Variants in SNX3 observed in about 807,000 individuals in gnomAD.
SNX3 encodes sorting nexin-3.
SNX3 carries 5 observed loss-of-function variants against 17.7 expected under a neutral mutation model. The ratio of observed to expected loss-of-function variants is 0.28; its 90% CI spans 0.15 to 0.59. The LOEUF is 0.59. Ranked by LOEUF, SNX3 falls within the 20% of genes least tolerant of loss-of-function variation. The pLI is 0.88. For missense variants in SNX3, 132 were observed against 206.8 expected (o/e 0.64, Z 2.22); for synonymous variants, 91 against 76.5 (o/e 1.19, Z -0.99).
At chr6:108,253,794 T>A (rs762599788) in intron 1 of SNX3, among the ~76,000 whole-genome samples, 248 of 152,314 alleles carry the variant, frequency 1.6e-3, no homozygotes, top group Middle Eastern at 3.4e-3. Flanking sequence ...GGAGAAATCC[T>A]TGCTGCATAT....
At chr6:108,220,236 T>C (rs535121594) in intron 2 of SNX3, among the ~76,000 whole-genome samples, 1 of 152,198 alleles carries the variant, frequency 6.6e-6, no homozygotes, top group African/African-American at 2.4e-5. Context: ...TAATAAACAG[T>C]AATGTCCTAG....
chr6:108,238,905 CT>C (rs34790159), intron 1 of SNX3, among the ~76,000 whole-genome samples: 335 of 142,672 alleles, frequency 2.3e-3, no homozygotes, highest in Admixed American at 2.6e-3. Flanking sequence ...CCTTTTCTTT[CT>C]TTTTTTTTTT....
chr6:108,259,674 C>T (rs572960998), intron 1 of SNX3, among the ~76,000 whole-genome samples: 2 of 152,260 alleles, frequency 1.3e-5, no homozygotes, highest in Admixed American at 1.3e-4. Flanking sequence ...ACTTAAGTTT[C>T]ACAACAATGT....
intron 2 of SNX3, among the ~76,000 whole-genome samples, chr6:108,221,270 G>GTT (rs201899281): frequency 1.4e-5 from 2 of 140,908 alleles, no homozygotes; most frequent in African/African-American, 2.6e-5. Flanking sequence ...GTTTAGCTTT[G>GTT]TTTTTTTTTT....
chr6:108,257,378 A>G (rs1312840223), intron 1 of SNX3, among the ~76,000 whole-genome samples: 1 of 152,102 alleles, frequency 6.6e-6, no homozygotes, highest in Non-Finnish European at 1.5e-5. Flanking sequence ...TTAGCCAGGT[A>G]TAGTAGTACC....
chr6:108,222,624 G>A (rs1438678200), intron 2 of SNX3, among the ~76,000 whole-genome samples: 2 of 152,160 alleles, frequency 1.3e-5, no homozygotes, highest in African/African-American at 2.4e-5. Context: ...AATGTATTGA[G>A]GAAGAGAAAC....
At chr6:108,247,157 T>C (rs1291605544) in intron 1 of SNX3, among the ~76,000 whole-genome samples, 1 of 152,154 alleles carries the variant, frequency 6.6e-6, no homozygotes, top group African/African-American at 2.4e-5. Context: ...CCTGGCACCT[T>C]GTGAAGCAGG....
intron 1 of SNX3, among the ~76,000 whole-genome samples, chr6:108,252,663 CTTTT>C (rs370043300): frequency 1.3e-4 from 19 of 151,928 alleles, no homozygotes; most frequent in African/African-American, 4.1e-4. Flanking sequence ...TAAGAATAAA[CTTTT>C]TTTCTCTTTT....
At chr6:108,223,201 C>T (rs778006404) in intron 1 of SNX3, among the ~76,000 whole-genome samples, 156 bp from the exon 2 acceptor site, 57 of 152,170 alleles carry the variant, frequency 3.7e-4, no homozygotes, top group Non-Finnish European at 6.3e-4. Context: ...TGCAATGGCA[C>T]GATCTCGGCT....
At chr6:108,241,311 G>C (rs148497892) in intron 1 of SNX3, among the ~76,000 whole-genome samples, 1 of 152,038 alleles carries the variant, frequency 6.6e-6, no homozygotes, top group Non-Finnish European at 1.5e-5. Context: ...AAGCTGGGGC[G>C]AACTTGTAAA....
intron 3 of SNX3, among the ~76,000 whole-genome samples, chr6:108,214,010 G>A (rs1433800065): frequency 6.6e-6 from 1 of 152,120 alleles, no homozygotes; most frequent in East Asian, 1.9e-4. Context: ...CTTATCAAGA[G>A]TTTCTAAAGT....
At chr6:108,259,631 A>G (rs1776129800) in intron 1 of SNX3, among the ~76,000 whole-genome samples, 1 of 152,250 alleles carries the variant, frequency 6.6e-6, no homozygotes, top group South Asian at 2.1e-4. Flanking sequence ...TTTAAAATCA[A>G]TGCTAACTAC....
intron 2 of SNX3, among the ~76,000 whole-genome samples, chr6:108,220,568 A>G (rs990932825): frequency 1.3e-5 from 2 of 152,130 alleles, no homozygotes; most frequent in Non-Finnish European, 1.5e-5. Context: ...GTGTGAGTAT[A>G]CTCATATGAT....
chr6:108,238,322 T>C (rs2114741220), intron 1 of SNX3, among the ~76,000 whole-genome samples: 1 of 152,196 alleles, frequency 6.6e-6, no homozygotes, highest in Non-Finnish European at 1.5e-5. Context: ...GGAATACCAC[T>C]GGGGAGGTTT....
chr6:108,237,542 T>C (rs183239326), intron 1 of SNX3, among the ~76,000 whole-genome samples: 2 of 152,098 alleles, frequency 1.3e-5, no homozygotes, highest in South Asian at 4.1e-4. Flanking sequence ...TCTCAGCACT[T>C]TGGGAGGCCG....
At chr6:108,222,554 T>C (rs1027504346) in intron 2 of SNX3, among the ~76,000 whole-genome samples, 1 of 152,110 alleles carries the variant, frequency 6.6e-6, no homozygotes, top group African/African-American at 2.4e-5. Context: ...TGAACATATA[T>C]GTGATGAAAA....
rs149799154 is a variant in SNX3, at chr6:108,227,822, T to G, written c.163-4777A>C. Among the ~76,000 whole-genome samples, 832 of 151,878 alleles carry G rather than the reference T, an allele frequency of 5.5e-3. 8 individuals carry two copies. The highest frequency in any genetic ancestry group is 0.019 in the African/African-American group (796 of 41,230). Reference sequence around the variant, plus strand: ...ACTAAGTGCAAAATGTGGGTTTTTTTTTTTTGTTGTTGTTGTTGTTTAAGG... The same window carrying G: ...ACTAAGTGCAAAATGTGGGTTTTTTGTTTTTGTTGTTGTTGTTGTTTAAGG... On this transcript the variant is annotated intron_variant, in intron 1 of 3. Transcript: ENST00000230085.
chr6:108,260,389 C>T (rs1190072332), intron 1 of SNX3, among the ~76,000 whole-genome samples: 1 of 152,252 alleles, frequency 6.6e-6, no homozygotes, highest in Non-Finnish European at 1.5e-5. Context: ...AAGGCTTTAA[C>T]TTTGCGCAAG....
chr6:108,224,133 A>G (rs1253791319), intron 1 of SNX3, among the ~76,000 whole-genome samples: 5 of 151,968 alleles, frequency 3.3e-5, no homozygotes, highest in Admixed American at 1.3e-4. Flanking sequence ...GTTGATGTAG[A>G]AGTTCTTTTT....
Sources: allele counts gnomAD v4.1 joint callset (sites outside exome capture counted in the v4.1 genomes callset), GRCh38; gene constraint gnomAD v4.1.1; transcripts MANE v1.5; gene names NCBI Gene and HGNC (gene_info 2026-07-23, HGNC 2026-07-21).